CNMD: variants seen among roughly 807,000 people sequenced by gnomAD.
The protein encoded by CNMD is leukocyte cell-derived chemotaxin 1.
In CNMD, 30 loss-of-function variants were observed where a neutral mutation model predicts 37.5. That is an observed-to-expected ratio of 0.80 (90% CI 0.60 to 1.09). CNMD has a LOEUF of 1.09. CNMD is among the 50% of genes least tolerant of loss of function. CNMD has a pLI of 0.00. For synonymous variants in CNMD, 167 were observed against 148.2 expected (o/e 1.13, Z -0.92); for missense variants, 398 against 423.9 (o/e 0.94, Z 0.54).
intron 6 of CNMD, 107 bp from the exon 7 acceptor site, chr13:52,703,917 G>T: frequency 1.1e-6 from 1 of 895,662 alleles, no homozygotes; most frequent in Non-Finnish European, 1.7e-6. Context: ...ACAGGAAGGT[G>T]TAATCTGTAA....
chr13:52,719,797 A>G (rs1246171992), intron 4 of CNMD, among the ~76,000 whole-genome samples: 1 of 152,064 alleles, frequency 6.6e-6, no homozygotes, highest in African/African-American at 2.4e-5. Flanking sequence ...TCTGACGATT[A>G]TGTGTCTTGG....
chr13:52,717,569 T>C (rs1566223274), intron 4 of CNMD, among the ~76,000 whole-genome samples: 1 of 152,234 alleles, frequency 6.6e-6, no homozygotes, highest in Non-Finnish European at 1.5e-5. Flanking sequence ...TTAAATTTTA[T>C]TGAAGGCCTT....
intron 5 of CNMD, among the ~76,000 whole-genome samples, chr13:52,709,409 G>A (rs1236664023): frequency 6.6e-6 from 1 of 152,182 alleles, no homozygotes; most frequent in Non-Finnish European, 1.5e-5. Context: ...TCTGTTAATT[G>A]TAGCCCTAAG....
At chr13:52,722,065 A>G (rs1197958932) in intron 4 of CNMD, among the ~76,000 whole-genome samples, 1 of 152,166 alleles carries the variant, frequency 6.6e-6, no homozygotes, top group Non-Finnish European at 1.5e-5. Flanking sequence ...TCCCATTTTT[A>G]TACTTGGTAT....
chr13:52,712,653 G>T, intron 5 of CNMD, 63 bp downstream of exon 5: 1 of 1,158,966 alleles, frequency 8.6e-7, no homozygotes, highest in East Asian at 2.7e-5. Flanking sequence ...GAGGGGGTTG[G>T]AGGAACCTCA....
intron 5 of CNMD, among the ~76,000 whole-genome samples, chr13:52,709,195 T>C (rs1964249484): frequency 6.6e-6 from 1 of 152,172 alleles, no homozygotes; most frequent in South Asian, 2.1e-4. Context: ...ACAGATGTGA[T>C]ATCTGGAGTT....
chr13:52,720,756 G>A (rs1964468856), intron 4 of CNMD, among the ~76,000 whole-genome samples: 1 of 151,632 alleles, frequency 6.6e-6, no homozygotes, highest in African/African-American at 2.4e-5. Context: ...GCTGGGAGGT[G>A]TCTCCCAGTC....
At position 52,703,537 on chromosome 13, in the gene CNMD, T is replaced by G. The variant is rs17541412; in HGVS notation, c.*58A>C. 0.05 allele frequency: 62,451 copies of G among 1,257,908 alleles called. 1,820 individuals are homozygous for G. Among genetic ancestry groups the G allele is most frequent in the South Asian group, 0.076 (6,218 of 81,514 alleles). 77.9% of individuals were successfully genotyped at this position (1,257,908 alleles called of 1,614,324 possible). ...ATCAGCATCAACCTGCCTTAATGCT[T>G]CTTTGGTTGTCTCTTCAGCTAGTTC... On this transcript the variant is annotated 3_prime_UTR_variant, in exon 7 of 7. Transcript: ENST00000377962.
intron 2 of CNMD, 51 bp from the exon 3 acceptor site, chr13:52,733,410 G>A: frequency 6.3e-7 from 1 of 1,578,406 alleles, no homozygotes; most frequent in Non-Finnish European, 8.7e-7. Context: ...AGCAATTCAG[G>A]GCTTATCTTT....
At chr13:52,713,789 A>G (rs979777162) in intron 4 of CNMD, among the ~76,000 whole-genome samples, 2 of 152,362 alleles carry the variant, frequency 1.3e-5, no homozygotes, top group Admixed American at 1.3e-4. Context: ...CAAGTGGTAC[A>G]TAAATCTACC....
At chr13:52,724,629 A>G (rs960345264) in intron 3 of CNMD, among the ~76,000 whole-genome samples, 1 of 152,178 alleles carries the variant, frequency 6.6e-6, no homozygotes, top group Non-Finnish European at 1.5e-5. Flanking sequence ...ACAGCCGGAC[A>G]TGGTGGCTTA....
At chr13:52,705,716 A>G (rs920278610) in intron 6 of CNMD, among the ~76,000 whole-genome samples, 1 of 152,198 alleles carries the variant, frequency 6.6e-6, no homozygotes, top group Non-Finnish European at 1.5e-5. Flanking sequence ...ATTTCTGCTT[A>G]AAGTCCAACA....
chr13:52,717,683 G>A (rs191290532), intron 4 of CNMD, among the ~76,000 whole-genome samples: 1 of 152,258 alleles, frequency 6.6e-6, no homozygotes, highest in East Asian at 1.9e-4. Context: ...TGTATCCCAG[G>A]GATGAAGCTG....
chr13:52,723,320 T>C (rs1257761757), intron 4 of CNMD, among the ~76,000 whole-genome samples: 1 of 152,126 alleles, frequency 6.6e-6, no homozygotes, highest in Non-Finnish European at 1.5e-5. Flanking sequence ...CTGGAATTCC[T>C]GGGCTTAAAT....
In CNMD at chr13:52,739,216, G is replaced by C; in HGVS notation, c.73-45C>G. The C allele has an allele frequency of 7.0e-7, 1 of 1,435,456 alleles. No individual in the cohort carries two copies. The highest frequency in any genetic ancestry group is 1.5e-5 in the South Asian group (1 of 64,864). 88.9% of individuals were successfully genotyped at this position (1,435,456 alleles called of 1,614,324 possible). A position where few individuals can be genotyped will look rare whatever the true frequency, so the allele number is the denominator to read the frequency against. Reference sequence around the variant, plus strand: ...AGGGACCGTCGCGTTTGTGCCGCCAGCACCTGCGGCCCCCAGCGCACCCGG... The same window carrying C: ...AGGGACCGTCGCGTTTGTGCCGCCACCACCTGCGGCCCCCAGCGCACCCGG... On this transcript the variant is annotated intron_variant, in intron 1 of 6. Transcript: ENST00000377962. The surrounding 1 kb of genome is among the most constrained non-coding windows in gnomAD (Gnocchi z 5.4).
intron 6 of CNMD, 46 bp downstream of exon 6, chr13:52,708,490 T>C (rs775724298): frequency 8.3e-6 from 13 of 1,557,260 alleles, no homozygotes; most frequent in Non-Finnish European, 1.1e-5. Context: ...CTTGGCACTA[T>C]GTTTAATGCA....
chr13:52,716,763 G>T (rs1177991454), intron 4 of CNMD, among the ~76,000 whole-genome samples: 1 of 152,188 alleles, frequency 6.6e-6, no homozygotes, highest in Admixed American at 6.5e-5. Flanking sequence ...TTGTAGTATA[G>T]TTTGAAGTCA....
chr13:52,736,939 G>C (rs571712423), intron 2 of CNMD, among the ~76,000 whole-genome samples: 1 of 152,182 alleles, frequency 6.6e-6, no homozygotes, highest in South Asian at 2.1e-4. Context: ...CTCAATATTG[G>C]AGCCCAGTTC....
chr13:52,739,592 A>G lies in CNMD; in HGVS notation c.72+38T>C. On this transcript the variant is annotated intron_variant, in intron 1 of 6. Coordinates refer to ENST00000377962, the MANE Select transcript of CNMD (RefSeq NM_007015.3). This position sits in a 1 kb window ranked among gnomAD's most constrained non-coding sequence, Gnocchi z 5.4. Reference sequence around the variant, plus strand: ...AACTGTGGAACCTGATACTCACACAACCCAGGCCCTGCGTGTGGAATCCCT... The same window carrying G: ...AACTGTGGAACCTGATACTCACACAGCCCAGGCCCTGCGTGTGGAATCCCT... 6.3e-7 allele frequency: 1 copy of G among 1,576,568 alleles called. No homozygotes were observed. The highest frequency in any genetic ancestry group is 8.7e-7 in the Non-Finnish European group (1 of 1,145,942).
Sources: allele counts gnomAD v4.1 joint callset (sites outside exome capture counted in the v4.1 genomes callset), GRCh38; gene constraint gnomAD v4.1.1; non-coding constraint Gnocchi (gnomAD v3.1); transcripts MANE v1.5; gene names NCBI Gene and HGNC (gene_info 2026-07-23, HGNC 2026-07-21).